The following IQGAP1 variants were observed in gnomAD, a reference collection of about 807,000 sequenced individuals.
The protein encoded by IQGAP1 is IQ motif containing GTPase activating protein 1, also known as ras GTPase-activating-like protein IQGAP1.
IQGAP1 carries 66 observed loss-of-function variants against 215.6 expected under a neutral mutation model. The ratio of observed to expected loss-of-function variants is 0.31; its 90% CI spans 0.25 to 0.38. The LOEUF (loss-of-function observed/expected upper bound fraction) is 0.38. Ranked by LOEUF, IQGAP1 falls within the 10% of genes least tolerant of loss-of-function variation. The probability of loss-of-function intolerance (pLI) is 1.00; values close to 1 mark genes in which losing one functional copy is unlikely to be tolerated. For missense variants in IQGAP1, 1,712 were observed against 1,997.1 expected, an observed-to-expected ratio of 0.86 and a Z score of 2.72; for synonymous variants, 772 against 728.7, an observed-to-expected ratio of 1.06 and a Z score of -0.96.
chr15:90,463,426 G>A (rs899184529), intron 15 of IQGAP1, among the ~76,000 whole-genome samples: 3 of 152,124 alleles, frequency 2.0e-5, no homozygotes, highest in Admixed American at 2.0e-4. Context: ...TATGATACGA[G>A]GATTTTTCTG....
chr15:90,426,953 CAAA>C (rs56984277), intron 3 of IQGAP1, among the ~76,000 whole-genome samples: 11 of 93,844 alleles, frequency 1.2e-4, no homozygotes, highest in Admixed American at 1.3e-4. Flanking sequence ...GACTCCATCT[CAAA>C]AAAAAAAAAA....
At position 90,477,276 on chromosome 15, in the gene IQGAP1, A is replaced by AG. The variant is rs768334547; in HGVS notation, c.3104+50dup. 5 of 1,495,618 alleles carry AG rather than the reference A, an allele frequency of 3.3e-6. No homozygotes were observed. The African/African-American group carries it at 7.0e-5, about 21-fold the overall frequency. The allele number at this position is 1,495,618 out of a possible 1,614,324, so 92.6% of individuals were successfully genotyped here. On this transcript the variant is annotated intron_variant, in intron 25 of 37. Transcript: ENST00000268182. ...GGCACAGGCCCCTTCCCACTATCAG[A>AG]GGGGCTCCCAGTTTGAGATTCATGC...
At chr15:90,392,315 T>G (rs1162831734) in intron 2 of IQGAP1, among the ~76,000 whole-genome samples, 1 of 152,208 alleles carries the variant, frequency 6.6e-6, no homozygotes, top group Non-Finnish European at 1.5e-5. Context: ...GCATGCTATA[T>G]CACTAGAAAA....
At chr15:90,496,408 C>T (rs1289289515) in intron 36 of IQGAP1, among the ~76,000 whole-genome samples, 3 of 148,892 alleles carry the variant, frequency 2.0e-5, no homozygotes, top group Non-Finnish European at 3.0e-5. Flanking sequence ...TCACTACAAC[C>T]TCTGCCTCCC....
intron 2 of IQGAP1, among the ~76,000 whole-genome samples, chr15:90,413,858 C>T (rs561198271): frequency 4.6e-5 from 7 of 152,124 alleles, no homozygotes; most frequent in Non-Finnish European, 8.8e-5. Flanking sequence ...GAGAAGTTAG[C>T]GGGTAACATG....
At chr15:90,414,855 C>A (rs1487281654) in intron 2 of IQGAP1, among the ~76,000 whole-genome samples, 3 of 152,160 alleles carry the variant, frequency 2.0e-5, no homozygotes, top group African/African-American at 7.2e-5. Context: ...CATGTTTCAA[C>A]CGTGAATTGC....
intron 1 of IQGAP1, among the ~76,000 whole-genome samples, chr15:90,389,634 C>T (rs1375177709): frequency 6.6e-6 from 1 of 151,934 alleles, no homozygotes; most frequent in East Asian, 1.9e-4. Flanking sequence ...GACATTTGAA[C>T]AGAGCCTTGA....
At chr15:90,455,611 C>T (rs968507532) in intron 14 of IQGAP1, among the ~76,000 whole-genome samples, 1 of 152,160 alleles carries the variant, frequency 6.6e-6, no homozygotes, top group African/African-American at 2.4e-5. Context: ...ATTTGTATTT[C>T]CTGGGAGAAA....
chr15:90,402,055 G>C (rs1442497488), intron 2 of IQGAP1, among the ~76,000 whole-genome samples: 1 of 152,162 alleles, frequency 6.6e-6, no homozygotes, highest in Non-Finnish European at 1.5e-5. Context: ...TCTTTAACTG[G>C]TGCCCAGAGA....
Position 90,483,549 on chromosome 15 carries a change from A to C in IQGAP1, c.3744A>C (p.Leu1248Phe). ...NKMFLGDNAHLSIINEYLSQS... is the reference protein window; with the variant it reads ...NKMFLGDNAHFSIINEYLSQS... Reference sequence around the variant, plus strand: ...TGTTTCTGGGAGATAATGCCCACTTAAGCATCATTAATGAATATCTTTCCC... The same window carrying C: ...TGTTTCTGGGAGATAATGCCCACTTCAGCATCATTAATGAATATCTTTCCC... The change falls in exon 29 of 38, where the codon TTA (leucine) becomes TTC (phenylalanine). Residue 1248 changes from leucine (L) to phenylalanine (F), a missense_variant. This residue lies in a region of IQGAP1 where 691 missense variants were observed against 923.0 expected (regional missense o/e 0.75). Coordinates refer to ENST00000268182, the MANE Select transcript of IQGAP1 (RefSeq NM_003870.4). 1 of 1,613,916 alleles carries C rather than the reference A, an allele frequency of 6.2e-7. No homozygotes were observed. The highest frequency in any genetic ancestry group is 1.3e-5 in the African/African-American group (1 of 75,052).
At chr15:90,493,590 C>T (rs1460567791) in intron 35 of IQGAP1, among the ~76,000 whole-genome samples, 2 of 152,194 alleles carry the variant, frequency 1.3e-5, no homozygotes, top group African/African-American at 2.4e-5. Flanking sequence ...ATGAATAGAA[C>T]AATAAGCACC....
At chr15:90,412,928 A>G (rs904566149) in intron 2 of IQGAP1, among the ~76,000 whole-genome samples, 2 of 152,252 alleles carry the variant, frequency 1.3e-5, no homozygotes, top group South Asian at 2.1e-4. Context: ...CACTGAAGTC[A>G]TGTGCTCTGC....
Position 90,466,012 on chromosome 15 carries a change from T to C in IQGAP1, c.1788T>C (p.Asp596=). The part of the protein sequence containing the change: ...AKREKAQEIQ[D]ESAVLWLDEI... ...TTAATGATATGTAGGAAATCCAGGA[T>C]GAGTCAGCTGTGTTATGGTTGGATG... The change falls in exon 16 of 38, where the codon GAT becomes GAC. Residue 596 remains aspartate (D), a synonymous_variant. Coordinates refer to ENST00000268182, the MANE Select transcript of IQGAP1 (RefSeq NM_003870.4). 1 of 1,614,018 alleles carries C rather than the reference T, an allele frequency of 6.2e-7. No homozygotes were observed. Among genetic ancestry groups the C allele is most frequent in the South Asian group, 1.1e-5 (1 of 91,084 alleles).
intron 8 of IQGAP1, among the ~76,000 whole-genome samples, chr15:90,442,265 TG>T (rs1387351894): frequency 6.6e-6 from 1 of 152,146 alleles, no homozygotes; most frequent in African/African-American, 2.4e-5. Flanking sequence ...GAGACCAGCC[TG>T]GCCAACATGG....
intron 2 of IQGAP1, among the ~76,000 whole-genome samples, chr15:90,395,938 A>G (rs953062388): frequency 5.3e-5 from 8 of 152,246 alleles, no homozygotes; most frequent in Middle Eastern, 3.4e-3. Flanking sequence ...CAAGTCTGTC[A>G]TGGGCCACCT....
chr15:90,492,969 A>G (rs1966226583), intron 35 of IQGAP1, among the ~76,000 whole-genome samples: 1 of 152,098 alleles, frequency 6.6e-6, no homozygotes, highest in Non-Finnish European at 1.5e-5. Context: ...GGGGCCTGTC[A>G]AGGTGGCTCA....
At chr15:90,456,121 A>G (rs1314897612) in intron 14 of IQGAP1, 31 bp from the exon 15 acceptor site, 2 of 1,594,498 alleles carry the variant, frequency 1.3e-6, no homozygotes, top group Non-Finnish European at 1.7e-6. Context: ...CTTAATTAGA[A>G]AAAAAAAACT....
At chr15:90,498,094 C>T (rs936051180) in intron 37 of IQGAP1, among the ~76,000 whole-genome samples, 4 of 140,424 alleles carry the variant, frequency 2.8e-5, no homozygotes, top group African/African-American at 1.0e-4. Context: ...CCATGGAGTA[C>T]TTCCATGGGT....
chr15:90,413,270 CCTACTA>C (rs1204596197), intron 2 of IQGAP1, among the ~76,000 whole-genome samples: 1 of 152,108 alleles, frequency 6.6e-6, no homozygotes, highest in Non-Finnish European at 1.5e-5. Flanking sequence ...TTATTTAGAG[CCTACTA>C]CTAGTTGCTG....
Sources: gnomAD v4.1 joint callset for allele counts (sites outside exome capture counted in the v4.1 genomes callset) on GRCh38, gnomAD v4.1.1 for gene constraint, gnomAD v4.1.1 regional missense constraint, MANE v1.5 for transcripts, NCBI Gene and HGNC (gene_info 2026-07-23, HGNC 2026-07-21) for gene names.